Variants in EML4 observed in about 807,000 individuals in gnomAD.
EML4 encodes EMAP like 4, also known as echinoderm microtubule-associated protein-like 4.
EML4 carries 72 observed loss-of-function variants against 129.0 expected under a neutral mutation model. The ratio of observed to expected loss-of-function variants is 0.56; its 90% CI spans 0.46 to 0.68. The LOEUF is 0.68. Among genes scored for constraint, EML4 ranks in the 30% least tolerant of loss-of-function variants. The pLI, the probability that EML4 is intolerant of heterozygous loss-of-function variation, is 0.00. For synonymous variants in EML4, 532 were observed against 405.0 expected (o/e 1.31, Z -3.77); for missense variants, 1,363 against 1,190.6 (o/e 1.14, Z -2.13).
chr2:42,212,416 A>C (rs548200736), intron 1 of EML4, among the ~76,000 whole-genome samples: 26 of 152,276 alleles, frequency 1.7e-4, no homozygotes, highest in African/African-American at 6.3e-4. Context: ...TTTTTACTTA[A>C]TTCCTTCAGC....
intron 1 of EML4, among the ~76,000 whole-genome samples, chr2:42,236,120 C>T (rs975633158): frequency 6.6e-6 from 1 of 152,110 alleles, no homozygotes; most frequent in Non-Finnish European, 1.5e-5. Context: ...GTATATCATT[C>T]CCTTGGTTTT....
At chr2:42,306,223 G>C (rs1441640345) in intron 17 of EML4, among the ~76,000 whole-genome samples, 1 of 152,062 alleles carries the variant, frequency 6.6e-6, no homozygotes, top group African/African-American at 2.4e-5. Context: ...GACCGAGTTT[G>C]GTCCATTCTC....
At chr2:42,207,685 T>C (rs570191700) in intron 1 of EML4, among the ~76,000 whole-genome samples, 6 of 152,160 alleles carry the variant, frequency 3.9e-5, no homozygotes, top group Non-Finnish European at 7.4e-5. Flanking sequence ...TTGGATTGTT[T>C]TGGGGTCTTT....
At chr2:42,223,615 T>C (rs1673762389) in intron 1 of EML4, among the ~76,000 whole-genome samples, 1 of 152,128 alleles carries the variant, frequency 6.6e-6, no homozygotes, top group Non-Finnish European at 1.5e-5. Flanking sequence ...TCTTTCCCCA[T>C]GACAAGAGTA....
intron 1 of EML4, among the ~76,000 whole-genome samples, chr2:42,220,213 C>G (rs1374177446): frequency 2.0e-5 from 3 of 148,638 alleles, no homozygotes; most frequent in Non-Finnish European, 4.4e-5. Flanking sequence ...GTGCTTCATA[C>G]TCTTGCACTT....
chr2:42,205,374 A>G (rs1033847825), intron 1 of EML4, among the ~76,000 whole-genome samples: 17 of 152,244 alleles, frequency 1.1e-4, no homozygotes, highest in African/African-American at 3.9e-4. Flanking sequence ...TTTATCAGCA[A>G]AAGTTGACAT....
chr2:42,292,757 A>T (rs1667721320), intron 11 of EML4, among the ~76,000 whole-genome samples: 2 of 151,918 alleles, frequency 1.3e-5, no homozygotes, highest in South Asian at 4.1e-4. Context: ...ATATATATGT[A>T]TATAAAATAT....
intron 2 of EML4, among the ~76,000 whole-genome samples, chr2:42,252,463 G>C (rs1238809216): frequency 6.6e-6 from 1 of 152,068 alleles, no homozygotes; most frequent in East Asian, 1.9e-4. Flanking sequence ...TCTTCACATG[G>C]CTACTAGAGG....
chr2:42,306,121 A>G (rs1668580114), intron 17 of EML4, among the ~76,000 whole-genome samples: 2 of 152,244 alleles, frequency 1.3e-5, no homozygotes, highest in Admixed American at 1.3e-4. Flanking sequence ...CTTTGCAAAT[A>G]TAGAAGGCTA....
At chr2:42,257,836 C>G (rs1222628359) in intron 3 of EML4, among the ~76,000 whole-genome samples, 1 of 110,712 alleles carries the variant, frequency 9.0e-6, no homozygotes, top group Non-Finnish European at 1.8e-5. Flanking sequence ...GACTCCGTCT[C>G]AAAAAAAAAA....
At chr2:42,174,955 T>A (rs940661826) in intron 1 of EML4, among the ~76,000 whole-genome samples, 10 of 151,232 alleles carry the variant, frequency 6.6e-5, no homozygotes, top group Admixed American at 2.6e-4. Flanking sequence ...TAGCTGGGAT[T>A]ACAGGTGCCC....
At chr2:42,257,531 C>T (rs1676233780) in intron 3 of EML4, among the ~76,000 whole-genome samples, 1 of 152,088 alleles carries the variant, frequency 6.6e-6, no homozygotes, top group Non-Finnish European at 1.5e-5. Flanking sequence ...AGATCTTCAG[C>T]CCTTTTAAAA....
intron 17 of EML4, among the ~76,000 whole-genome samples, chr2:42,314,466 A>G (rs1016707968): frequency 1.3e-5 from 2 of 152,198 alleles, no homozygotes; most frequent in Non-Finnish European, 2.9e-5. Flanking sequence ...TAATTCTGTC[A>G]TCTACTCAGG....
chr2:42,174,904 G>T (rs35692656), intron 1 of EML4, among the ~76,000 whole-genome samples: 76,643 of 150,786 alleles, frequency 0.51, 19,822 homozygotes, highest in Middle Eastern at 0.79. Flanking sequence ...TGCAGCCTCC[G>T]CCTCCCGGGT....
intron 1 of EML4, among the ~76,000 whole-genome samples, chr2:42,226,138 C>A (rs935391349): frequency 1.3e-5 from 2 of 151,910 alleles, no homozygotes; most frequent in Admixed American, 1.3e-4. Context: ...AAATAGTTAC[C>A]AGTCTTTTCT....
rs779286208 is a variant in EML4, at chr2:42,329,941, CA to C, written c.2682del (p.Gln894HisfsTer13). 1 of 1,613,840 alleles carries C rather than the reference CA, an allele frequency of 6.2e-7. No homozygotes were observed. The highest frequency in any genetic ancestry group is 8.5e-7 in the Non-Finnish European group (1 of 1,180,024). The part of the protein sequence containing the change: ...APVSSTESVI[Q>X]SNTPTPPPSQ... ...CGTCTCTTCCACTGAAAGTGTCATC[CA>C]ATCTAATACTCCCACACCGCCTCCT... On this transcript the variant is annotated frameshift_variant, in exon 23 of 23. Transcript: ENST00000318522. LOFTEE classifies it high-confidence loss of function.
In EML4 at chr2:42,313,276, A is replaced by C. The variant is rs981035543; in HGVS notation, c.1968-2686A>C. Among the ~76,000 whole-genome samples, 3 of 152,136 alleles carry C rather than the reference A, an allele frequency of 2.0e-5. No homozygotes were observed. The East Asian group carries it at 5.8e-4, about 29-fold the overall frequency. ...TGGCTAAACCAATGTATATCTTAAC[A>C]TGTATTTGATTGATGTCTCATATCA... On this transcript the variant is annotated intron_variant, in intron 17 of 22. Transcript: ENST00000318522.
chr2:42,206,536 T>C (rs543871285), intron 1 of EML4, among the ~76,000 whole-genome samples: 23 of 152,300 alleles, frequency 1.5e-4, no homozygotes, highest in South Asian at 4.1e-4. Flanking sequence ...TTATGCCTAG[T>C]TTTATGTCTA....
rs1250295867 is a variant in EML4, at chr2:42,329,805, C to A, written c.2544C>A (p.His848Gln). The A allele has an allele frequency of 6.2e-7, 1 of 1,614,080 alleles. No homozygotes were observed. Among genetic ancestry groups the A allele is most frequent in the East Asian group, 2.2e-5 (1 of 44,888 alleles). The change falls in exon 23 of 23, where the codon CAC becomes CAA. Residue 848 changes from histidine to glutamine, a missense_variant. His to Gln is a conservative substitution (Grantham distance 24). Coordinates refer to ENST00000318522, the MANE Select transcript of EML4 (RefSeq NM_019063.5). ...TCAGTTTTACTCACAATGACAGTCACCTGATATCAACTGGTGGAAAAGACA... is the reference window on the plus strand; with the variant it reads ...TCAGTTTTACTCACAATGACAGTCAACTGATATCAACTGGTGGAAAAGACA... ...TNVSFTHNDSHLISTGGKDMS... is the reference protein window; with the variant it reads ...TNVSFTHNDSQLISTGGKDMS...
Sources: gnomAD v4.1 joint callset for allele counts (sites outside exome capture counted in the v4.1 genomes callset) on GRCh38, gnomAD v4.1.1 for gene constraint, MANE v1.5 for transcripts, NCBI Gene and HGNC (gene_info 2026-07-23, HGNC 2026-07-21) for gene names.